ARHGEF2: variants seen among roughly 807,000 people sequenced by gnomAD.
ARHGEF2 encodes Rho/Rac guanine nucleotide exchange factor 2.
A neutral mutation model predicts 121.0 loss-of-function variants in ARHGEF2; 22 were observed. That is an observed-to-expected ratio of 0.18 (90% CI 0.13 to 0.26). ARHGEF2 has a LOEUF of 0.26. Ranked by LOEUF, ARHGEF2 falls within the 10% of genes least tolerant of loss-of-function variation. The pLI, the probability that ARHGEF2 is intolerant of heterozygous loss-of-function variation, is 1.00. For synonymous variants in ARHGEF2, 487 were observed against 530.0 expected (o/e 0.92, Z 1.11); for missense variants, 907 against 1,336.0 (o/e 0.68, Z 5.01).
At chr1:155,970,940 T>C in intron 1 of ARHGEF2, 1 of 986,500 alleles carries the variant, frequency 1.0e-6, no homozygotes, top group Non-Finnish European at 1.2e-6. Flanking sequence ...TCATCCATTT[T>C]TCGCATCCTC....
intron 1 of ARHGEF2, chr1:155,971,168 T>G (rs571986328): frequency 1.1e-6 from 1 of 937,964 alleles, no homozygotes; most frequent in Non-Finnish European, 1.3e-6. Flanking sequence ...AACTCAAACC[T>G]CTAAAATGTT....
At chr1:155,976,608 A>C (rs7534858) in intron 1 of ARHGEF2, among the ~76,000 whole-genome samples, 74,918 of 122,730 alleles carry the variant, frequency 0.61, 24,609 homozygotes, top group Middle Eastern at 0.75. Context: ...ACCTGCCCCC[A>C]CAGAACCGCT....
At chr1:155,967,433 T>C (rs1460776559) in intron 2 of ARHGEF2, among the ~76,000 whole-genome samples, 1 of 152,134 alleles carries the variant, frequency 6.6e-6, no homozygotes, top group Non-Finnish European at 1.5e-5. Flanking sequence ...GGCTAAATCG[T>C]CCATCAGAGG....
chr1:155,959,866 C>G (rs992245862), intron 11 of ARHGEF2, among the ~76,000 whole-genome samples: 2 of 152,126 alleles, frequency 1.3e-5, no homozygotes, highest in Non-Finnish European at 1.5e-5. Flanking sequence ...CATTTTTTAG[C>G]CTTTAAATTC....
chr1:155,952,930 G>C, intron 14 of ARHGEF2, 102 bp from the exon 15 acceptor site: 1 of 1,081,332 alleles, frequency 9.2e-7, no homozygotes, highest in Admixed American at 2.5e-5. Flanking sequence ...GGGCAGTGTG[G>C]CAGACTTAAT....
rs1426046254 is a variant in ARHGEF2, at chr1:155,950,996, G to T, written c.2536C>A (p.Arg846=). 2 of 1,608,556 alleles carry T rather than the reference G, an allele frequency of 1.2e-6. No homozygotes were observed. Among genetic ancestry groups the T allele is most frequent in the Admixed American group, 1.7e-5 (1 of 59,670 alleles). ...EARLRESEQA[R]ALLEREAEEA... Reference sequence around the variant, plus strand: ...TCGGCCTCACGCTCCAGCAGTGCCCGGGCCTGCTCACTCTCCCGGAGCCGG... The same window carrying T: ...TCGGCCTCACGCTCCAGCAGTGCCCTGGCCTGCTCACTCTCCCGGAGCCGG... The change falls in exon 20 of 22, where the codon CGG becomes AGG. Residue 846 remains arginine, a synonymous_variant. Transcript: ENST00000361247. This position sits in a 1 kb window ranked among gnomAD's most constrained non-coding sequence, Gnocchi z 5.2.
At chr1:155,954,626 C>A (rs765717364) in intron 14 of ARHGEF2, among the ~76,000 whole-genome samples, 2 of 93,242 alleles carry the variant, frequency 2.1e-5, no homozygotes, top group African/African-American at 6.4e-5. Flanking sequence ...TTTTTGTGGT[C>A]TTTTAGTATA....
intron 1 of ARHGEF2, among the ~76,000 whole-genome samples, chr1:155,974,577 G>A (rs1681004276): frequency 1.3e-5 from 2 of 152,116 alleles, no homozygotes; most frequent in Admixed American, 1.3e-4. Context: ...AGGAGGCAGA[G>A]GGGAAGGCAG....
At position 155,951,371 on chromosome 1, in the gene ARHGEF2, C is replaced by T. The variant is rs752148330; in HGVS notation, c.2260-99G>A. ...GGCCCAGATCATCGCTCCTGGAGAG[C>T]TTGGATTGGGAGGGTATTTAGAAAG... On this transcript the variant is annotated intron_variant, in intron 19 of 21. Transcript: ENST00000361247. The surrounding 1 kb of genome is among the most constrained non-coding windows in gnomAD (Gnocchi z 5.1). 90 of 1,578,162 alleles carry T rather than the reference C, an allele frequency of 5.7e-5. No homozygotes were observed. Among genetic ancestry groups the T allele is most frequent in the Non-Finnish European group, 1.3e-5 (15 of 1,153,236 alleles).
At position 155,964,199 on chromosome 1, in the gene ARHGEF2, CATATAT is replaced by C. The variant is rs35388474; in HGVS notation, c.724+783_724+788del. On this transcript the variant is annotated intron_variant, in intron 7 of 21. Transcript: ENST00000361247. ...ATATATATATATATATATATATATACATATATATATATATATATTTTTTTTTTAGAG... is the reference window on the plus strand; with the variant it reads ...ATATATATATATATATATATATATACATATATATATATTTTTTTTTTAGAG... Among the ~76,000 whole-genome samples the C allele has an allele frequency of 8.9e-5, 4 of 45,126 alleles. No homozygotes were observed. The East Asian group carries it at 3.5e-3, about 40-fold the overall frequency. The allele number at this position is 45,126 out of a possible 152,430, so 29.6% of individuals were successfully genotyped here.
Position 155,950,390 on chromosome 1 carries a change from G to A in ARHGEF2, c.2796C>T (p.Ser932=). Residue 932 remains serine (S), a synonymous_variant, in exon 21 of 22, where the codon AGC becomes AGT. Transcript: ENST00000361247. This position sits in a 1 kb window ranked among gnomAD's most constrained non-coding sequence, Gnocchi z 5.2. ...TGCTGTCTTGCAGCCGCTCTTCGGG[G>A]CTCCCCAGTTCCTGCCTCTCTCGGT... The part of the protein sequence containing the change: ...FEDRERQELG[S]PEERLQDSSD... 6.2e-7 allele frequency: 1 copy of A among 1,613,998 alleles called. No homozygotes were observed. Among genetic ancestry groups the A allele is most frequent in the Non-Finnish European group, 8.5e-7 (1 of 1,180,022 alleles).
chr1:155,970,222 G>A (rs539476011), intron 1 of ARHGEF2: 72 of 984,960 alleles, frequency 7.3e-5, no homozygotes, highest in Middle Eastern at 5.2e-4. Context: ...GTTGATCTCC[G>A]CAGATGGCGC....
Position 155,962,093 on chromosome 1 carries a change from C to T in ARHGEF2, c.1219+12G>A. The T allele has an allele frequency of 6.2e-7, 1 of 1,613,942 alleles. No individual in the cohort carries two copies. Among genetic ancestry groups the T allele is most frequent in the Non-Finnish European group, 8.5e-7 (1 of 1,179,834 alleles). ...GTCTCCCAGTGGCCCTCTCCTGGGC[C>T]TGCCTACTCACCGTGGGAATGCTGC... On this transcript the variant is annotated intron_variant, in intron 10 of 21. Transcript: ENST00000361247. The surrounding 1 kb of genome is among the most constrained non-coding windows in gnomAD (Gnocchi z 5.8).
chr1:155,964,197 T>TATAC (rs1553245104), intron 7 of ARHGEF2, among the ~76,000 whole-genome samples: 3 of 116,732 alleles, frequency 2.6e-5, no homozygotes, highest in Admixed American at 8.5e-5. Flanking sequence ...TATATATATA[T>TATAC]ACATATATAT....
intron 1 of ARHGEF2, among the ~76,000 whole-genome samples, chr1:155,977,190 T>C (rs1318422871): frequency 6.6e-6 from 1 of 152,068 alleles, no homozygotes; most frequent in Non-Finnish European, 1.5e-5. Flanking sequence ...TTAAACCAAC[T>C]CTGGGCTGGG....
rs770552827 is a variant in ARHGEF2, at chr1:155,965,381, G to A, written c.502C>T (p.Arg168Cys). 4 of 1,614,142 alleles carry A rather than the reference G, an allele frequency of 2.5e-6. No homozygotes were observed. The highest frequency in any genetic ancestry group is 3.4e-6 in the Non-Finnish European group (4 of 1,179,994). The change falls in exon 6 of 22, where the codon CGC becomes TGC. Residue 168 changes from arginine (R) to cysteine (C), a missense_variant. Arg to Cys is a radical substitution (Grantham distance 180, BLOSUM62 -3). This residue lies in a region of ARHGEF2 where 475 missense variants were observed against 776.5 expected (regional missense o/e 0.61). Transcript: ENST00000361247. This position sits in a 1 kb window ranked among gnomAD's most constrained non-coding sequence, Gnocchi z 6.0. ...HFNDESPLGLRRILSQSTDSL... is the reference protein window; with the variant it reads ...HFNDESPLGLCRILSQSTDSL... ...TCTGTGGACTGTGAGAGGATCCGGC[G>A]CAGCCCCAGGGGAGACTCATCATTG...
intron 13 of ARHGEF2, among the ~76,000 whole-genome samples, chr1:155,955,321 C>T (rs1381400235): frequency 8.6e-5 from 13 of 151,938 alleles, no homozygotes; most frequent in Admixed American, 4.6e-4. Context: ...CATGGGGTTT[C>T]GTCACGTTGG....
At chr1:155,968,163 T>A (rs527248141) in intron 2 of ARHGEF2, 3 of 151,770 alleles carry the variant, frequency 2.0e-5, no homozygotes, top group Admixed American at 2.0e-4. Flanking sequence ...AATTGAACAG[T>A]GAGGAAAGTA....
At chr1:155,971,705 A>G (rs952173859) in intron 1 of ARHGEF2, among the ~76,000 whole-genome samples, 2 of 151,406 alleles carry the variant, frequency 1.3e-5, no homozygotes, top group Non-Finnish European at 2.9e-5. Flanking sequence ...CTGCCCTCCC[A>G]GCCTTCTATA....
Sources: gnomAD v4.1 joint callset for allele counts (sites outside exome capture counted in the v4.1 genomes callset) on GRCh38, gnomAD v4.1.1 for gene constraint, gnomAD v4.1.1 regional missense constraint, Gnocchi (gnomAD v3.1) non-coding constraint, MANE v1.5 for transcripts, NCBI Gene and HGNC (gene_info 2026-07-23, HGNC 2026-07-21) for gene names.